The following TMCC2 variants were observed in gnomAD, a reference collection of about 807,000 sequenced individuals.
TMCC2 encodes transmembrane and coiled-coil domain family 2.
A neutral mutation model predicts 49.4 loss-of-function variants in TMCC2; 16 were observed. The observed-to-expected ratio is 0.32, with a 90% confidence interval of 0.22 to 0.49. TMCC2 has a LOEUF of 0.49. Among genes scored for constraint, TMCC2 ranks in the 20% least tolerant of loss-of-function variants. The pLI, the probability that TMCC2 is intolerant of heterozygous loss-of-function variation, is 0.99. For missense variants in TMCC2, 762 were observed against 989.8 expected, an observed-to-expected ratio of 0.77 and a Z score of 3.09; for synonymous variants, 397 against 434.1, an observed-to-expected ratio of 0.91 and a Z score of 1.06.
chr1:205,269,941 G>C (rs576517619), intron 3 of TMCC2, 57 bp downstream of exon 3: 2 of 1,542,712 alleles, frequency 1.3e-6, no homozygotes, highest in African/African-American at 2.7e-5. Context: ...GAGGCAAGGA[G>C]CACTGGGTTT....
intron 2 of TMCC2, among the ~76,000 whole-genome samples, chr1:205,260,062 G>A (rs1661042757): frequency 1.3e-5 from 2 of 152,202 alleles, no homozygotes; most frequent in Admixed American, 1.3e-4. Flanking sequence ...ATTCTGGTGT[G>A]GAGGGGGATC....
intron 1 of TMCC2, chr1:205,233,809 AT>A (rs1342062832): frequency 5.3e-5 from 8 of 150,018 alleles, no homozygotes; most frequent in African/African-American, 2.0e-4. Flanking sequence ...TTATATATAT[AT>A]TTTTTCAAGG....
Position 205,228,668 on chromosome 1 carries a change from C to T in TMCC2, c.104C>T (p.Pro35Leu). ...CACCTGCCGGGCGCGGACCTCCGGCCTGGGGAGACCACGGGTGCTAACTCT... is the reference window on the plus strand; with the variant it reads ...CACCTGCCGGGCGCGGACCTCCGGCTTGGGGAGACCACGGGTGCTAACTCT... The part of the protein sequence containing the change: ...ASHLPGADLR[P>L]GETTGANSAG... Residue 35 changes from proline to leucine, a missense_variant, in exon 1 of 5, where the codon CCT becomes CTT. Transcript: ENST00000358024. 1 of 1,613,106 alleles carries T rather than the reference C, an allele frequency of 6.2e-7. No homozygotes were observed. Among genetic ancestry groups the T allele is most frequent in the East Asian group, 2.2e-5 (1 of 44,856 alleles).
intron 1 of TMCC2, among the ~76,000 whole-genome samples, chr1:205,239,969 AG>A (rs1442632029): frequency 6.6e-6 from 1 of 151,702 alleles, no homozygotes; most frequent in Non-Finnish European, 1.5e-5. Context: ...GTTTGTTTCT[AG>A]GGAAAAAAAA....
At chr1:205,251,742 C>T (rs541005056) in intron 2 of TMCC2, among the ~76,000 whole-genome samples, 39 of 152,216 alleles carry the variant, frequency 2.6e-4, no homozygotes, top group Non-Finnish European at 5.4e-4. Flanking sequence ...GGGCATGCCC[C>T]CCAAGAGGTG....
At chr1:205,239,049 G>A (rs112860195) in intron 1 of TMCC2, among the ~76,000 whole-genome samples, 3,710 of 152,166 alleles carry the variant, frequency 0.024, 62 homozygotes, top group East Asian at 0.068. Flanking sequence ...CCAGCCTCCC[G>A]GGGATAGGGG....
rs761567843 is a variant in TMCC2, at chr1:205,272,106, C to T, written c.2112C>T (p.His704=). The change falls in exon 5 of 5, where the codon CAC becomes CAT. Residue 704 remains histidine (H), a synonymous_variant. Coordinates refer to ENST00000358024, the MANE Select transcript of TMCC2 (RefSeq NM_014858.4). ...HWDSLTYLLE[H]VLLPS is the part of the protein sequence containing the mutation. ...ACTCCCTCACCTACCTCCTGGAGCACGTGTTGCTGCCCAGCTGAGTGGCCA... is the reference window on the plus strand; with the variant it reads ...ACTCCCTCACCTACCTCCTGGAGCATGTGTTGCTGCCCAGCTGAGTGGCCA... 7.4e-6 allele frequency: 12 copies of T among 1,612,588 alleles called. No homozygotes were observed. The highest frequency in any genetic ancestry group is 3.3e-5 in the Admixed American group (2 of 59,988).
At chr1:205,249,601 C>G (rs567319765) in intron 2 of TMCC2, among the ~76,000 whole-genome samples, 27 of 152,218 alleles carry the variant, frequency 1.8e-4, no homozygotes, top group Non-Finnish European at 3.4e-4. Context: ...TCTGCCTGTT[C>G]ACACGAATGC....
At chr1:205,259,753 G>A (rs1211686374) in intron 2 of TMCC2, among the ~76,000 whole-genome samples, 2 of 152,222 alleles carry the variant, frequency 1.3e-5, no homozygotes, top group Non-Finnish European at 2.9e-5. Context: ...GCCCTGATCC[G>A]GCAGCTCCTT....
intron 1 of TMCC2, among the ~76,000 whole-genome samples, chr1:205,237,038 T>G (rs971094729): frequency 6.6e-6 from 1 of 152,032 alleles, no homozygotes; most frequent in Non-Finnish European, 1.5e-5. Flanking sequence ...GAGTTGAGTT[T>G]TTTTTTTAAA....
In TMCC2 at chr1:205,241,424, G is replaced by A; in HGVS notation, c.208-81G>A. 2 of 1,445,918 alleles carry A rather than the reference G, an allele frequency of 1.4e-6. No individual in the cohort carries two copies. Among genetic ancestry groups the A allele is most frequent in the South Asian group, 2.6e-5 (2 of 76,954 alleles). The allele number at this position is 1,445,918 out of a possible 1,614,324, so 89.6% of individuals were successfully genotyped here. A position where few individuals can be genotyped will look rare whatever the true frequency, so the allele number is the denominator to read the frequency against. On this transcript the variant is annotated intron_variant, in intron 1 of 4. Coordinates refer to ENST00000358024, the MANE Select transcript of TMCC2 (RefSeq NM_014858.4). The surrounding 1 kb of genome is among the most constrained non-coding windows in gnomAD (Gnocchi z 7.3). Reference sequence around the variant, plus strand: ...TAGCTATGCCAGTCTACCAAGGACAGACCCTTCACCTTCACCCTCCTACTG... The same window carrying A: ...TAGCTATGCCAGTCTACCAAGGACAAACCCTTCACCTTCACCCTCCTACTG...
intron 2 of TMCC2, among the ~76,000 whole-genome samples, chr1:205,260,408 T>A (rs1661058033): frequency 6.6e-6 from 1 of 152,214 alleles, no homozygotes; most frequent in South Asian, 2.1e-4. Flanking sequence ...AGTGATCTGG[T>A]CTTTTTAGTC....
intron 1 of TMCC2, among the ~76,000 whole-genome samples, chr1:205,239,164 G>C (rs948357481): frequency 6.6e-6 from 1 of 152,174 alleles, no homozygotes; most frequent in East Asian, 1.9e-4. Context: ...TTTAGGAATG[G>C]GGGGAGAAGA....
chr1:205,236,915 T>C (rs917577224), intron 1 of TMCC2: 4 of 152,154 alleles, frequency 2.6e-5, no homozygotes, highest in African/African-American at 9.7e-5. Context: ...ACATGGTGGA[T>C]GAGGTGACCT....
intron 2 of TMCC2, among the ~76,000 whole-genome samples, chr1:205,263,988 G>C (rs1366028333): frequency 6.6e-6 from 1 of 152,122 alleles, no homozygotes; most frequent in Non-Finnish European, 1.5e-5. Context: ...TACATCTGTA[G>C]GCCTTGGTTT....
intron 1 of TMCC2, among the ~76,000 whole-genome samples, chr1:205,238,669 C>T (rs1482473114): frequency 6.6e-6 from 1 of 152,140 alleles, no homozygotes; most frequent in Non-Finnish European, 1.5e-5. Flanking sequence ...TTGGCGCCTG[C>T]CTCTGATACT....
At chr1:205,250,430 A>T (rs1004196589) in intron 2 of TMCC2, among the ~76,000 whole-genome samples, 1 of 151,950 alleles carries the variant, frequency 6.6e-6, no homozygotes, top group Non-Finnish European at 1.5e-5. Context: ...AATCCCAGCT[A>T]CTCGGGAGGC....
intron 2 of TMCC2, among the ~76,000 whole-genome samples, chr1:205,247,608 G>A (rs1451446): frequency 0.031 from 4,648 of 152,284 alleles, 106 homozygotes; most frequent in East Asian, 0.078. Context: ...GAGGCCCTGG[G>A]CTGGTGTGAG....
intron 1 of TMCC2, chr1:205,229,514 A>C: frequency 2.1e-6 from 1 of 484,330 alleles, no homozygotes; most frequent in Non-Finnish European, 2.5e-6. Flanking sequence ...GCTTTCCTGG[A>C]TGAAGCTCAG....
Sources: allele counts gnomAD v4.1 joint callset (sites outside exome capture counted in the v4.1 genomes callset), GRCh38; gene constraint gnomAD v4.1.1; non-coding constraint Gnocchi (gnomAD v3.1); transcripts MANE v1.5; gene names NCBI Gene and HGNC (gene_info 2026-07-23, HGNC 2026-07-21).